Variants in SEMA3A observed in about 807,000 individuals in gnomAD.
SEMA3A encodes the protein semaphorin 3A.
Under a neutral mutation model 97.9 loss-of-function variants are expected in SEMA3A, and 29 were observed. That is an observed-to-expected ratio of 0.30 (90% CI 0.22 to 0.40). The LOEUF (loss-of-function observed/expected upper bound fraction) is 0.40, where lower values mean the gene tolerates loss of function less well. SEMA3A is among the 10% of genes least tolerant of loss of function. The pLI is 1.00. For missense variants in SEMA3A, 763 were observed against 951.3 expected (o/e 0.80, Z 2.60); for synonymous variants, 321 against 323.7 (o/e 0.99, Z 0.09).
At chr7:84,323,467 A>G (rs2115918912) in intron 2 of SEMA3A, among the ~76,000 whole-genome samples, 1 of 152,210 alleles carries the variant, frequency 6.6e-6, no homozygotes, top group Middle Eastern at 3.4e-3. Flanking sequence ...CTTTCTTATA[A>G]AGAAAACACT....
upstream of SEMA3A, among the ~76,000 whole-genome samples, chr7:84,196,339 T>G (rs186660116): frequency 4.7e-3 from 689 of 147,762 alleles, 3 homozygotes; most frequent in Non-Finnish European, 7.0e-3. Flanking sequence ...AGCACAGCGC[T>G]CGCTCGCTCT....
At chr7:84,105,456 T>C (rs1275437683) in intron 4 of SEMA3A, among the ~76,000 whole-genome samples, 1 of 152,140 alleles carries the variant, frequency 6.6e-6, no homozygotes, top group Non-Finnish European at 1.5e-5. Flanking sequence ...TGGTTGTCAT[T>C]GTGGAAATGA....
chr7:84,038,023 T>C (rs967220424), intron 6 of SEMA3A, among the ~76,000 whole-genome samples: 2 of 152,132 alleles, frequency 1.3e-5, no homozygotes, highest in Non-Finnish European at 2.9e-5. Flanking sequence ...CTGAATAACA[T>C]TTTTAGTTGA....
intron 3 of SEMA3A, among the ~76,000 whole-genome samples, chr7:84,113,422 C>T (rs1401856171): frequency 6.6e-6 from 1 of 152,112 alleles, no homozygotes; most frequent in Non-Finnish European, 1.5e-5. Flanking sequence ...TTGGACATTC[C>T]TCTAAAAAAG....
chr7:84,194,778 C>T lies in SEMA3A; in HGVS notation c.-192G>A, dbSNP rs755334805. The T allele has an allele frequency of 4.4e-5, 13 of 292,406 alleles. No homozygotes were observed. Among genetic ancestry groups the T allele is most frequent in the Non-Finnish European group, 7.9e-5 (13 of 163,866 alleles). 18.1% of individuals were successfully genotyped at this position (292,406 alleles called of 1,614,324 possible). On this transcript the variant is annotated 5_prime_UTR_variant, in exon 1 of 17. Coordinates refer to ENST00000265362, the MANE Select transcript of SEMA3A (RefSeq NM_006080.3). The stretch of plus-strand genomic sequence containing the variant: ...TGTAACAGTCACTGAAGCACAGAAA[C>T]TTCAAACCCTCCAAAAAGAAAAAAA...
Position 84,129,204 on chromosome 7 carries a change from C to T in SEMA3A, c.271-19G>A. 1.2e-6 allele frequency: 2 copies of T among 1,600,912 alleles called. No homozygotes were observed. Among genetic ancestry groups the T allele is most frequent in the South Asian group, 1.1e-5 (1 of 90,794 alleles). On this transcript the variant is annotated intron_variant, in intron 2 of 16. Transcript: ENST00000265362. Reference sequence around the variant, plus strand: ...ACACAATCTAAGGACAGAGAATAAACATTGTTTTATGTCAACTAAGTTGTC... The same window carrying T: ...ACACAATCTAAGGACAGAGAATAAATATTGTTTTATGTCAACTAAGTTGTC...
At chr7:84,103,795 G>A (rs1254026430) in intron 4 of SEMA3A, among the ~76,000 whole-genome samples, 4 of 152,024 alleles carry the variant, frequency 2.6e-5, no homozygotes, top group Non-Finnish European at 5.9e-5. Context: ...TATGAAGGCT[G>A]GAGAATGAAA....
chr7:84,065,290 A>G (rs1793434649), intron 4 of SEMA3A, among the ~76,000 whole-genome samples: 1 of 120,942 alleles, frequency 8.3e-6, no homozygotes. Context: ...GGAAATTTAT[A>G]GCACTAAATG....
intron 4 of SEMA3A, among the ~76,000 whole-genome samples, chr7:84,070,238 T>C (rs1255519788): frequency 6.6e-6 from 1 of 152,186 alleles, no homozygotes; most frequent in East Asian, 1.9e-4. Context: ...TTTTATTACA[T>C]GATTGCATCA....
Position 84,215,926 on chromosome 7 carries a change from T to TAC in SEMA3A, c.-82-21260_-82-21259dup, listed in dbSNP as rs35981045. Among the ~76,000 whole-genome samples, 323 of 151,392 alleles carry TAC rather than the reference T, an allele frequency of 2.1e-3. 2 individuals carry two copies. The highest frequency in any genetic ancestry group is 6.8e-3 in the East Asian group (35 of 5,164). ...AAAAATGTATATGTGTACATATAGA[T>TAC]ACACACACACACACACATAATTACC... On this transcript the variant is annotated intron_variant, in intron 3 of 3. Transcript: ENST00000424555.
In SEMA3A at chr7:84,028,749, C is replaced by T. The variant is rs180744195; in HGVS notation, c.668-14398G>A. On this transcript the variant is annotated intron_variant, in intron 6 of 16. Coordinates refer to ENST00000265362, the MANE Select transcript of SEMA3A (RefSeq NM_006080.3). ...CCTCCCGAGTAGCTGGGACTACAGG[C>T]GTGTGCCACCACCCCCTGCTAATTT... Among the ~76,000 whole-genome samples, 25 of 152,194 alleles carry T rather than the reference C, an allele frequency of 1.6e-4. 1 individual carries two copies. Among genetic ancestry groups the T allele is most frequent in the Admixed American group, 1.2e-3 (19 of 15,282 alleles).
Position 84,093,215 on chromosome 7 carries a change from T to G in SEMA3A, c.453+17255A>C, listed in dbSNP as rs557752023. On this transcript the variant is annotated intron_variant, in intron 4 of 16. Coordinates refer to ENST00000265362, the MANE Select transcript of SEMA3A (RefSeq NM_006080.3). ...ACAAAAATAACTAACACTTGAGAGA[T>G]GAACAAATGGTCTTCAACAGTTCAG... is the stretch of plus-strand genomic sequence containing the variant. 1.2e-4 allele frequency among the ~76,000 whole-genome samples: 19 copies of G among 152,304 alleles called. No individual in the cohort carries two copies. In the South Asian group the frequency reaches 3.9e-3, roughly 32 times the overall value.
chr7:84,210,519 G>A (rs1454080414), intron 3 of SEMA3A, among the ~76,000 whole-genome samples: 1 of 152,118 alleles, frequency 6.6e-6, no homozygotes, highest in Non-Finnish European at 1.5e-5. Context: ...AGAGAAAAGA[G>A]AAATCAGCAG....
chr7:84,105,025 T>C (rs1207993243), intron 4 of SEMA3A, among the ~76,000 whole-genome samples: 1 of 152,116 alleles, frequency 6.6e-6, no homozygotes, highest in Non-Finnish European at 1.5e-5. Flanking sequence ...CTGCATCTGA[T>C]GGAGACAATG....
chr7:84,386,593 A>G (rs1372466084), intron 1 of SEMA3A, among the ~76,000 whole-genome samples: 1 of 152,212 alleles, frequency 6.6e-6, no homozygotes. Flanking sequence ...ACACCCTCCC[A>G]TATATAATTT....
intron 2 of SEMA3A, among the ~76,000 whole-genome samples, chr7:84,342,261 C>A (rs944141990): frequency 3.3e-5 from 5 of 152,076 alleles, no homozygotes; most frequent in Non-Finnish European, 7.4e-5. Flanking sequence ...TCTCGAACTC[C>A]CGAGCTCAGG....
intron 2 of SEMA3A, among the ~76,000 whole-genome samples, chr7:84,367,195 C>A (rs1057186334): frequency 6.6e-6 from 1 of 151,042 alleles, no homozygotes; most frequent in Admixed American, 6.6e-5. Context: ...AAAAAATAAA[C>A]GTATAGGTGA....
chr7:84,361,008 CA>C (rs1253061408), intron 2 of SEMA3A, among the ~76,000 whole-genome samples: 1 of 151,944 alleles, frequency 6.6e-6, no homozygotes, highest in Non-Finnish European at 1.5e-5. Context: ...ACTATGTTAT[CA>C]AGAATTCAAA....
rs115265739 is a variant in SEMA3A, at chr7:84,018,714, G to C, written c.668-4363C>G. On this transcript the variant is annotated intron_variant, in intron 6 of 16. Coordinates refer to ENST00000265362, the MANE Select transcript of SEMA3A (RefSeq NM_006080.3). ...CAACGGAGAAAGTTGTACACACAGA[G>C]AGTAGTCAAGAAGAAGGGAGGTGGT... Among the ~76,000 whole-genome samples, 1,242 of 152,236 alleles carry C rather than the reference G, an allele frequency of 8.2e-3. 15 individuals are homozygous for C. The highest frequency in any genetic ancestry group is 0.028 in the African/African-American group (1,172 of 41,540).
Sources: gnomAD v4.1 joint callset for allele counts (sites outside exome capture counted in the v4.1 genomes callset) on GRCh38, gnomAD v4.1.1 for gene constraint, MANE v1.5 for transcripts, NCBI Gene and HGNC (gene_info 2026-07-23, HGNC 2026-07-21) for gene names.